XIRP2: variants seen among roughly 807,000 people sequenced by gnomAD.
XIRP2 encodes the protein xin actin-binding repeat-containing protein 2.
XIRP2 carries 236 observed loss-of-function variants against 277.0 expected under a neutral mutation model. That is an observed-to-expected ratio of 0.85 (90% CI 0.77 to 0.95). XIRP2 has a LOEUF of 0.95. XIRP2 is among the 40% of genes least tolerant of loss of function. The pLI is 0.00. For missense variants in XIRP2, 4,640 were observed against 4,157.5 expected (o/e 1.12, Z -3.19); for synonymous variants, 1,490 against 1,416.5 (o/e 1.05, Z -1.17).
intron 3 of XIRP2, among the ~76,000 whole-genome samples, chr2:167,151,127 A>G (rs1218068906): frequency 6.6e-6 from 1 of 152,086 alleles, no homozygotes; most frequent in Non-Finnish European, 1.5e-5. Context: ...AAAGGAATTA[A>G]TTCAATGTTT....
intron 2 of XIRP2, among the ~76,000 whole-genome samples, chr2:167,037,106 C>A (rs1688529746): frequency 6.6e-6 from 1 of 152,130 alleles, no homozygotes; most frequent in Admixed American, 6.5e-5. Flanking sequence ...TCAATAATAG[C>A]TGGAGACTTC....
At chr2:167,084,043 T>G (rs1689837502) in intron 2 of XIRP2, among the ~76,000 whole-genome samples, 1 of 151,824 alleles carries the variant, frequency 6.6e-6, no homozygotes, top group Non-Finnish European at 1.5e-5. Flanking sequence ...ATGCTTCCAG[T>G]TTTTGCCCAT....
chr2:167,009,756 T>C (rs564368036), intron 2 of XIRP2, among the ~76,000 whole-genome samples: 1 of 152,272 alleles, frequency 6.6e-6, no homozygotes, highest in Non-Finnish European at 1.5e-5. Context: ...TGATCGCTAT[T>C]CTAACTGGTG....
At chr2:167,011,977 G>A (rs573611672) in intron 2 of XIRP2, among the ~76,000 whole-genome samples, 60 of 151,842 alleles carry the variant, frequency 4.0e-4, no homozygotes, top group Middle Eastern at 3.4e-3. Flanking sequence ...TTCTTTATTA[G>A]TCTTGCTAGC....
chr2:167,086,164 C>A, intron 2 of XIRP2, among the ~76,000 whole-genome samples: 1 of 151,904 alleles, frequency 6.6e-6, no homozygotes, highest in Non-Finnish European at 1.5e-5. Flanking sequence ...TCAGCATTTG[C>A]TTGTCTGTAA....
chr2:166,975,925 C>T lies in XIRP2; in HGVS notation c.408+72035C>T, dbSNP rs575624309. Reference sequence around the variant, plus strand: ...CAGCCTGGGTGACAGAGCGAGACTCCGTCTCAAAAAAAAAAAAAAAAAAAA... The same window carrying T: ...CAGCCTGGGTGACAGAGCGAGACTCTGTCTCAAAAAAAAAAAAAAAAAAAA... On this transcript the variant is annotated intron_variant, in intron 2 of 10. Transcript: ENST00000409195. Among the ~76,000 whole-genome samples, 42 of 91,056 alleles carry T rather than the reference C, an allele frequency of 4.6e-4. No individual in the cohort carries two copies. The South Asian group carries it at 0.012, about 26-fold the overall frequency. The allele number at this position is 91,056 out of a possible 152,430, so 59.7% of individuals were successfully genotyped here. A position where few individuals can be genotyped will look rare whatever the true frequency, so the allele number is the denominator to read the frequency against.
chr2:167,201,340 GGAAA>G (rs1411120900), intron 3 of XIRP2, among the ~76,000 whole-genome samples: 4 of 119,530 alleles, frequency 3.3e-5, no homozygotes, highest in East Asian at 5.1e-4. Flanking sequence ...AAGGAAGGAA[GGAAA>G]GAAGGAAGGA....
Position 167,251,460 on chromosome 2 carries a change from A to G in XIRP2, c.10068A>G (p.Ala3356=). Reference sequence around the variant, plus strand: ...CAAAGTCAAATAGAAGAGTTTATGCAAAGGGAGAAACAAACCATAACATAC... The same window carrying G: ...CAAAGTCAAATAGAAGAGTTTATGCGAAGGGAGAAACAAACCATAACATAC... The part of the protein sequence containing the change: ...SEAKSNRRVY[A]KGETNHNIQQ... The change falls in exon 9 of 11, where the codon GCA becomes GCG. Residue 3356 remains alanine, a synonymous_variant. Coordinates refer to ENST00000409195, the MANE Select transcript of XIRP2 (RefSeq NM_152381.6). The G allele has an allele frequency of 6.2e-7, 1 of 1,613,642 alleles. No individual in the cohort carries two copies. Among genetic ancestry groups the G allele is most frequent in the South Asian group, 1.1e-5 (1 of 91,090 alleles).
At chr2:166,929,029 T>A (rs1685259030) in intron 2 of XIRP2, among the ~76,000 whole-genome samples, 2 of 152,180 alleles carry the variant, frequency 1.3e-5, no homozygotes, top group Middle Eastern at 3.4e-3. Context: ...TCTTTGTAAA[T>A]ACTTTCTATC....
At chr2:167,022,865 T>C (rs1485362543) in intron 2 of XIRP2, among the ~76,000 whole-genome samples, 3 of 152,190 alleles carry the variant, frequency 2.0e-5, no homozygotes, top group Admixed American at 1.3e-4. Flanking sequence ...TGTTGGACAT[T>C]TGGGTTGGTT....
Position 167,043,739 on chromosome 2 carries a change from A to G in XIRP2, c.409-92170A>G, listed in dbSNP as rs556777040. 1.3e-5 allele frequency among the ~76,000 whole-genome samples: 2 copies of G among 152,214 alleles called. 1 individual carries two copies. The highest frequency in any genetic ancestry group is 4.8e-5 in the African/African-American group (2 of 41,580). The stretch of plus-strand genomic sequence containing the variant: ...AAAAATCCCTGGATCAGATGGATTC[A>G]CAGCCAAATTCTACCAGATATATAA... On this transcript the variant is annotated intron_variant, in intron 2 of 10. Transcript: ENST00000409195.
chr2:167,059,028 C>T (rs1287838122), intron 2 of XIRP2, among the ~76,000 whole-genome samples: 1 of 150,074 alleles, frequency 6.7e-6, no homozygotes, highest in East Asian at 1.9e-4. Context: ...ACAGTAAATT[C>T]ATCACAAAAA....
At chr2:166,932,658 A>G (rs1685376800) in intron 2 of XIRP2, among the ~76,000 whole-genome samples, 1 of 152,140 alleles carries the variant, frequency 6.6e-6, no homozygotes, top group Admixed American at 6.5e-5. Flanking sequence ...TTCTTTTAGA[A>G]TCTTTACTAT....
chr2:167,013,429 G>GCTT, intron 2 of XIRP2, among the ~76,000 whole-genome samples: 1 of 151,380 alleles, frequency 6.6e-6, no homozygotes, highest in African/African-American at 2.4e-5. Context: ...AGAATCAGCT[G>GCTT]CAGATTCTGA....
chr2:167,250,415 T>C lies in XIRP2; in HGVS notation c.9023T>C (p.Val3008Ala). 1.9e-6 allele frequency: 3 copies of C among 1,613,156 alleles called. No homozygotes were observed. Among genetic ancestry groups the C allele is most frequent in the Non-Finnish European group, 2.5e-6 (3 of 1,179,604 alleles). The change falls in exon 9 of 11, where the codon GTA becomes GCA. Residue 3008 changes from valine to alanine, a missense_variant. Coordinates refer to ENST00000409195, the MANE Select transcript of XIRP2 (RefSeq NM_152381.6). Reference sequence around the variant, plus strand: ...GCCATGGAGAATAATTTAGAAAAAGTAAAAGAAGAAATAACACATATTAAA... The same window carrying C: ...GCCATGGAGAATAATTTAGAAAAAGCAAAAGAAGAAATAACACATATTAAA... ...HIAMENNLEK[V>A]KEEITHIKTQ...
At chr2:166,935,991 G>A (rs571921899) in intron 2 of XIRP2, among the ~76,000 whole-genome samples, 3 of 152,326 alleles carry the variant, frequency 2.0e-5, no homozygotes, top group Admixed American at 2.0e-4. Context: ...TCGCCATACT[G>A]TCTTCCAAAT....
chr2:166,986,206 C>T lies in XIRP2; in HGVS notation c.408+82316C>T, dbSNP rs115239910. On this transcript the variant is annotated intron_variant, in intron 2 of 10. Coordinates refer to ENST00000409195, the MANE Select transcript of XIRP2 (RefSeq NM_152381.6). ...TGGTTAGAGGATGGCTTTGGAATTCCTTCCATAGCAGAGTAGTGGAACATT... is the reference window on the plus strand; with the variant it reads ...TGGTTAGAGGATGGCTTTGGAATTCTTTCCATAGCAGAGTAGTGGAACATT... 6.5e-4 allele frequency among the ~76,000 whole-genome samples: 99 copies of T among 152,248 alleles called. 1 individual carries two copies. The highest frequency in any genetic ancestry group is 2.3e-3 in the African/African-American group (94 of 41,554).
In XIRP2 at chr2:167,247,623, A is replaced by G. The variant is rs1695320710; in HGVS notation, c.6231A>G (p.Glu2077=). ...DTTGEQHLRD[E]YMSRQLTSTV... is the part of the protein sequence containing the mutation. ...CAGGAGAACAGCATCTTAGAGATGAATATATGAGCAGACAATTAACTTCAA... is the reference window on the plus strand; with the variant it reads ...CAGGAGAACAGCATCTTAGAGATGAGTATATGAGCAGACAATTAACTTCAA... Residue 2077 remains glutamate (E), a synonymous_variant, in exon 9 of 11, where the codon GAA becomes GAG. Coordinates refer to ENST00000409195, the MANE Select transcript of XIRP2 (RefSeq NM_152381.6). 4 of 1,613,590 alleles carry G rather than the reference A, an allele frequency of 2.5e-6. No individual in the cohort carries two copies. Among genetic ancestry groups the G allele is most frequent in the Admixed American group, 1.7e-5 (1 of 59,952 alleles).
chr2:166,904,453 G>A (rs1491001696), intron 2 of XIRP2, among the ~76,000 whole-genome samples: 1 of 152,070 alleles, frequency 6.6e-6, no homozygotes, highest in Non-Finnish European at 1.5e-5. Context: ...TAAACACTAA[G>A]GGTAGAGTCT....
Sources: allele counts gnomAD v4.1 joint callset (sites outside exome capture counted in the v4.1 genomes callset), GRCh38; gene constraint gnomAD v4.1.1; transcripts MANE v1.5; gene names NCBI Gene and HGNC (gene_info 2026-07-23, HGNC 2026-07-21).